The following PDZD2 variants were observed in gnomAD, a reference collection of about 807,000 sequenced individuals.
PDZD2 encodes PDZ domain-containing protein 2.
Under a neutral mutation model 220.7 loss-of-function variants are expected in PDZD2, and 90 were observed. The observed-to-expected ratio is 0.41, with a 90% CI of 0.34 to 0.49. PDZD2 has a LOEUF of 0.49. PDZD2 is among the 20% of genes least tolerant of loss of function. PDZD2 has a pLI of 0.28. For synonymous variants in PDZD2, 1,375 were observed against 1,450.5 expected, an observed-to-expected ratio of 0.95 and a Z score of 1.18; for missense variants, 3,174 against 3,608.5, an observed-to-expected ratio of 0.88 and a Z score of 3.08.
chr5:32,107,658 T>G (rs161522), intron 24 of PDZD2, among the ~76,000 whole-genome samples: 119,953 of 152,140 alleles, frequency 0.79, 47,408 homozygotes, highest in Admixed American at 0.8. Context: ...TTATTCTTGT[T>G]GACTTGTAGC....
At chr5:32,049,224 C>A (rs544506003) in intron 8 of PDZD2, among the ~76,000 whole-genome samples, 3 of 152,164 alleles carry the variant, frequency 2.0e-5, no homozygotes, top group Non-Finnish European at 2.9e-5. Flanking sequence ...GATCCGGACT[C>A]CACAGCCCTG....
At chr5:32,042,779 G>A (rs775022342) in intron 7 of PDZD2, among the ~76,000 whole-genome samples, 2 of 152,172 alleles carry the variant, frequency 1.3e-5, no homozygotes, top group African/African-American at 2.4e-5. Context: ...CAAAGAGAAA[G>A]TCATTTAAGG....
intron 2 of PDZD2, among the ~76,000 whole-genome samples, chr5:31,854,700 G>A (rs1460801542): frequency 6.6e-6 from 1 of 152,130 alleles, no homozygotes; most frequent in African/African-American, 2.4e-5. Context: ...GGAAGCTCCT[G>A]AGCCCTCGGT....
chr5:31,803,248 C>T (rs1018674749), intron 2 of PDZD2, among the ~76,000 whole-genome samples: 1 of 148,864 alleles, frequency 6.7e-6, no homozygotes, highest in Non-Finnish European at 1.5e-5. Flanking sequence ...CAGGTGTGCA[C>T]CACTGCATCT....
intron 1 of PDZD2, among the ~76,000 whole-genome samples, chr5:31,656,070 C>T (rs933575333): frequency 2.0e-5 from 3 of 152,150 alleles, no homozygotes; most frequent in Non-Finnish European, 4.4e-5. Context: ...GCTGCAGAGT[C>T]GAGTGTGTTC....
chr5:31,744,865 T>G (rs1750493529), intron 1 of PDZD2, among the ~76,000 whole-genome samples: 1 of 151,878 alleles, frequency 6.6e-6, no homozygotes, highest in African/African-American at 2.4e-5. Flanking sequence ...GGTCAGGAGA[T>G]TGAGACCATC....
chr5:31,826,016 C>T (rs1253787592), intron 2 of PDZD2, among the ~76,000 whole-genome samples: 2 of 152,050 alleles, frequency 1.3e-5, no homozygotes, highest in Non-Finnish European at 2.9e-5. Flanking sequence ...AGTTCAGTTG[C>T]CCCTCAATGT....
chr5:32,061,465 G>A (rs969743575), intron 14 of PDZD2, among the ~76,000 whole-genome samples: 3 of 152,192 alleles, frequency 2.0e-5, no homozygotes, highest in Non-Finnish European at 2.9e-5. Flanking sequence ...TGGACTGGAC[G>A]ATCTCTATGA....
At chr5:31,748,915 T>C (rs1170047655) in intron 1 of PDZD2, among the ~76,000 whole-genome samples, 1 of 152,214 alleles carries the variant, frequency 6.6e-6, no homozygotes. Flanking sequence ...TGGATTGCCC[T>C]GTTCTGTGTC....
At chr5:31,759,512 C>A (rs1751502855) in intron 1 of PDZD2, among the ~76,000 whole-genome samples, 1 of 151,100 alleles carries the variant, frequency 6.6e-6, no homozygotes, top group Non-Finnish European at 1.5e-5. Context: ...ATACCCAAAA[C>A]CTCCTTGCCA....
At chr5:31,713,026 A>G (rs931629549) in intron 1 of PDZD2, among the ~76,000 whole-genome samples, 1 of 152,196 alleles carries the variant, frequency 6.6e-6, no homozygotes, top group African/African-American at 2.4e-5. Context: ...CCTGGACCAC[A>G]GTGTTGAGAA....
intron 1 of PDZD2, among the ~76,000 whole-genome samples, chr5:31,741,360 A>ATT (rs1554069109): frequency 5.7e-5 from 8 of 141,476 alleles, no homozygotes; most frequent in South Asian, 2.2e-4. Context: ...TAAAGCCAAG[A>ATT]TTTTTTTTTT....
At chr5:32,027,798 T>C (rs1433822684) in intron 6 of PDZD2, among the ~76,000 whole-genome samples, 1 of 152,230 alleles carries the variant, frequency 6.6e-6, no homozygotes, top group Non-Finnish European at 1.5e-5. Context: ...ATTTTCTGAA[T>C]GGTTATTCAT....
intron 6 of PDZD2, among the ~76,000 whole-genome samples, chr5:32,026,402 T>C (rs1450255731): frequency 1.3e-5 from 2 of 152,182 alleles, no homozygotes; most frequent in African/African-American, 2.4e-5. Flanking sequence ...CCTCCCAAAG[T>C]GCTGAGATGA....
intron 1 of PDZD2, among the ~76,000 whole-genome samples, chr5:31,694,572 T>C (rs965807162): frequency 1.3e-5 from 2 of 152,080 alleles, no homozygotes; most frequent in African/African-American, 4.8e-5. Flanking sequence ...GTGTAGGAGA[T>C]GCTTCACGAG....
chr5:31,912,598 T>C lies in PDZD2; in HGVS notation c.477-70557T>C, dbSNP rs898911844. The stretch of plus-strand genomic sequence containing the variant: ...GTCTAAGTGTAACCAAACCCCGCAA[T>C]TGACACGCTAGAGAAGGTTCGCCTT... On this transcript the variant is annotated intron_variant, in intron 2 of 24. Transcript: ENST00000438447. Among the ~76,000 whole-genome samples, 4 of 152,288 alleles carry C rather than the reference T, an allele frequency of 2.6e-5. No individual in the cohort carries two copies. In the South Asian group the frequency reaches 6.2e-4, roughly 24 times the overall value.
intron 2 of PDZD2, among the ~76,000 whole-genome samples, chr5:31,913,837 A>G (rs913580748): frequency 6.6e-6 from 1 of 152,098 alleles, no homozygotes; most frequent in South Asian, 2.1e-4. Flanking sequence ...TGAAGTCTTG[A>G]TTTTGCCAGA....
chr5:31,901,073 A>G (rs969325342), intron 2 of PDZD2, among the ~76,000 whole-genome samples: 1 of 152,182 alleles, frequency 6.6e-6, no homozygotes, highest in Non-Finnish European at 1.5e-5. Context: ...AGAACTTTCT[A>G]TTATACTTGC....
At chr5:31,961,114 T>C (rs1162348372) in intron 2 of PDZD2, among the ~76,000 whole-genome samples, 3 of 152,206 alleles carry the variant, frequency 2.0e-5, no homozygotes, top group Non-Finnish European at 4.4e-5. Flanking sequence ...AATTCCCCTT[T>C]TGGGGATGCA....
Sources: gnomAD v4.1 joint callset for allele counts (sites outside exome capture counted in the v4.1 genomes callset) on GRCh38, gnomAD v4.1.1 for gene constraint, MANE v1.5 for transcripts, NCBI Gene and HGNC (gene_info 2026-07-23, HGNC 2026-07-21) for gene names.